The following RFX6 variants were observed in gnomAD, a reference collection of about 807,000 sequenced individuals.
RFX6 encodes the protein DNA-binding protein RFX6.
In RFX6, 50 loss-of-function variants were observed where a neutral mutation model predicts 110.8. The observed-to-expected ratio is 0.45, with a 90% confidence interval of 0.36 to 0.57. The LOEUF (loss-of-function observed/expected upper bound fraction) is 0.57, where lower values mean the gene tolerates loss of function less well. RFX6 is among the 20% of genes least tolerant of loss of function. RFX6 has a pLI of 0.00. For synonymous variants in RFX6, 383 were observed against 411.2 expected (o/e 0.93, Z 0.83); for missense variants, 990 against 1,127.0 (o/e 0.88, Z 1.74).
rs676152 is a variant in RFX6, at chr6:116,926,744, A to C, written c.1886-283A>C. 0.24 allele frequency among the ~76,000 whole-genome samples: 36,940 copies of C among 152,056 alleles called. 4,867 individuals are homozygous for C. Among genetic ancestry groups the C allele is most frequent in the South Asian group, 0.42 (2,007 of 4,806 alleles). ...ATGGGGAAATATGAGCAGCAGACAC[A>C]CATGTCCTCCCCATGCTACCTGTGG... On this transcript the variant is annotated intron_variant, in intron 16 of 18. Coordinates refer to ENST00000332958, the MANE Select transcript of RFX6 (RefSeq NM_173560.4).
intron 6 of RFX6, among the ~76,000 whole-genome samples, chr6:116,897,214 A>T (rs970999794): frequency 1.3e-5 from 2 of 152,170 alleles, no homozygotes; most frequent in African/African-American, 4.8e-5. Context: ...GGAATAGCAT[A>T]GGCCAGGGTT....
At position 116,932,037 on chromosome 6, in the gene RFX6, A is replaced by G. The variant is rs1424059197; in HGVS notation, c.*531A>G. ...AGTTGCTTGACTTCAATTCCTGTGC[A>G]TTAGTGTGATGATTTCTGTCACATA... On this transcript the variant is annotated 3_prime_UTR_variant, in exon 19 of 19. Transcript: ENST00000332958. 3 of 154,876 alleles carry G rather than the reference A, an allele frequency of 1.9e-5. No individual in the cohort carries two copies. The highest frequency in any genetic ancestry group is 7.2e-5 in the African/African-American group (3 of 41,468). The allele number at this position is 154,876 out of a possible 1,614,324, so 9.6% of individuals were successfully genotyped here. A position where few individuals can be genotyped will look rare whatever the true frequency, so the allele number is the denominator to read the frequency against.
chr6:116,914,792 A>C (rs987505710), intron 7 of RFX6, among the ~76,000 whole-genome samples: 1 of 152,234 alleles, frequency 6.6e-6, no homozygotes, highest in African/African-American at 2.4e-5. Flanking sequence ...AAAATAGCTG[A>C]CATCCATCAG....
At position 116,929,223 on chromosome 6, in the gene RFX6, G is replaced by A. The variant is rs35622115; in HGVS notation, c.2611+252G>A. On this transcript the variant is annotated intron_variant, in intron 18 of 18. Transcript: ENST00000332958. ...GTTACTTTTTACAAAAAAAATAGCT[G>A]GTATCTATTAAGTATGCAAAAGATT... Among the ~76,000 whole-genome samples, 12,239 of 152,102 alleles carry A rather than the reference G, an allele frequency of 0.08. 676 individuals carry two copies. The highest frequency in any genetic ancestry group is 0.13 in the Non-Finnish European group (8,878 of 67,984).
intron 7 of RFX6, among the ~76,000 whole-genome samples, chr6:116,913,670 T>C (rs905392314): frequency 6.6e-6 from 1 of 152,236 alleles, no homozygotes; most frequent in Non-Finnish European, 1.5e-5. Flanking sequence ...TTATGCTAAT[T>C]GTGAGTTTTA....
intron 14 of RFX6, 37 bp downstream of exon 14, chr6:116,923,261 A>C (rs1217138596): frequency 5.2e-6 from 5 of 958,104 alleles, no homozygotes; most frequent in South Asian, 5.1e-5. Context: ...TCTTACATGA[A>C]TTATATAATT....
chr6:116,877,326 G>A lies in RFX6; in HGVS notation c.51G>A (p.Ala17=), dbSNP rs1410918824. 6.2e-7 allele frequency: 1 copy of A among 1,613,002 alleles called. No individual in the cohort carries two copies. Among genetic ancestry groups the A allele is most frequent in the Admixed American group, 1.7e-5 (1 of 59,956 alleles). ...LEDTFLQAQP[A]PQLSPGIQED... Reference sequence around the variant, plus strand: ...ACACCTTCCTGCAGGCGCAGCCTGCGCCCCAACTGTCCCCGGGGATCCAGG... The same window carrying A: ...ACACCTTCCTGCAGGCGCAGCCTGCACCCCAACTGTCCCCGGGGATCCAGG... The change falls in exon 1 of 19, where the codon GCG becomes GCA. Residue 17 remains alanine, a synonymous_variant. Coordinates refer to ENST00000332958, the MANE Select transcript of RFX6 (RefSeq NM_173560.4).
intron 12 of RFX6, among the ~76,000 whole-genome samples, chr6:116,920,923 A>G (rs1323169277): frequency 1.3e-5 from 2 of 152,160 alleles, no homozygotes; most frequent in Admixed American, 1.3e-4. Flanking sequence ...CATGTGTTTT[A>G]TAGTCTTGTC....
At chr6:116,917,714 G>A (rs1428732385) in intron 9 of RFX6, among the ~76,000 whole-genome samples, 1 of 152,052 alleles carries the variant, frequency 6.6e-6, no homozygotes, top group Non-Finnish European at 1.5e-5. Flanking sequence ...TGTAAGATGA[G>A]CTTCTACAAA....
rs766518524 is a variant in RFX6 at position 116,927,184 on chromosome 6, C to G, written c.2043C>G (p.Tyr681Ter). ...CAGCTCCATCACACTGCTCCACATA[C>G]CCAGAGCCCATTTATCCCACTCTCC... ...VLSAPSHCST[Y>*]PEPIYPTLPQ... Residue 681 changes from tyrosine to a stop codon, truncating the protein, a stop_gained, in exon 17 of 19, where the codon TAC becomes TAG. Transcript: ENST00000332958. LOFTEE classifies it high-confidence loss of function. The G allele has an allele frequency of 6.2e-7, 1 of 1,614,148 alleles. No individual in the cohort carries two copies.
chr6:116,919,943 T>G (rs1308894984), intron 11 of RFX6, among the ~76,000 whole-genome samples: 1 of 152,218 alleles, frequency 6.6e-6, no homozygotes, highest in Admixed American at 6.5e-5. Flanking sequence ...ATGTAACATT[T>G]AAAAATTCTT....
intron 17 of RFX6, 105 bp from the exon 18 acceptor site, chr6:116,928,654 A>T: frequency 1.3e-6 from 1 of 776,454 alleles, no homozygotes. Flanking sequence ...TAATACTTAC[A>T]GTTTGATATC....
chr6:116,927,272 C>A lies in RFX6; in HGVS notation c.2131C>A (p.Pro711Thr). The A allele has an allele frequency of 1.9e-6, 3 of 1,614,194 alleles. No individual in the cohort carries two copies. Among genetic ancestry groups the A allele is most frequent in the Admixed American group, 1.7e-5 (1 of 60,028 alleles). ...SNYQTVFRAQPHSTSGLYPHH... is the reference protein window; with the variant it reads ...SNYQTVFRAQTHSTSGLYPHH... ...CTACCAGACTGTGTTTAGGGCACAG[C>A]CCCACTCCACATCAGGACTCTATCC... The change falls in exon 17 of 19, where the codon CCC becomes ACC. Residue 711 changes from proline to threonine, a missense_variant. Around this residue, in one of 5 missense-constraint regions of RFX6, gnomAD observed 438 missense variants for 441.9 expected, o/e 0.99. Transcript: ENST00000332958.
At chr6:116,908,951 C>A (rs1775273206) in intron 6 of RFX6, among the ~76,000 whole-genome samples, 2 of 151,756 alleles carry the variant, frequency 1.3e-5, no homozygotes, top group Non-Finnish European at 2.9e-5. Context: ...TTTTTCTGTT[C>A]TTGTCTAGTT....
At chr6:116,907,084 T>C (rs1457493612) in intron 6 of RFX6, among the ~76,000 whole-genome samples, 1 of 151,946 alleles carries the variant, frequency 6.6e-6, no homozygotes, top group Admixed American at 6.6e-5. Flanking sequence ...TGAAAGGATA[T>C]GGAATTTTTT....
intron 7 of RFX6, among the ~76,000 whole-genome samples, chr6:116,912,587 CAGG>C (rs2114689931): frequency 6.6e-6 from 1 of 152,242 alleles, no homozygotes; most frequent in South Asian, 2.1e-4. Context: ...CTGTGGAAAT[CAGG>C]AGGATCTCAG....
chr6:116,896,704 T>G (rs984957797), intron 6 of RFX6, among the ~76,000 whole-genome samples: 2 of 51,986 alleles, frequency 3.8e-5, no homozygotes, highest in South Asian at 1.8e-3. Context: ...TGAGACCCTA[T>G]CTCAAAAAAA....
intron 4 of RFX6, among the ~76,000 whole-genome samples, chr6:116,892,494 C>G (rs1258868321): frequency 6.6e-6 from 1 of 152,234 alleles, no homozygotes; most frequent in African/African-American, 2.4e-5. Context: ...CATTGCTTCA[C>G]TAGTGTTCAT....
intron 2 of RFX6, among the ~76,000 whole-genome samples, chr6:116,878,962 TGTC>T (rs1562130769): frequency 6.6e-6 from 1 of 151,976 alleles, no homozygotes; most frequent in Non-Finnish European, 1.5e-5. Flanking sequence ...TTGAAGTTGA[TGTC>T]GTGGTTACTA....
Sources: allele counts gnomAD v4.1 joint callset (sites outside exome capture counted in the v4.1 genomes callset), GRCh38; gene constraint gnomAD v4.1.1; regional missense constraint gnomAD v4.1.1; transcripts MANE v1.5; gene names NCBI Gene and HGNC (gene_info 2026-07-23, HGNC 2026-07-21).